The following NRIP1 variants were observed in gnomAD, a reference collection of about 807,000 sequenced individuals.
NRIP1 encodes the protein nuclear receptor interacting protein 1, also known as nuclear receptor-interacting protein 1.
In NRIP1, 28 loss-of-function variants were observed where a neutral mutation model predicts 75.0. The ratio of observed to expected loss-of-function variants is 0.37; its 90% CI spans 0.28 to 0.51. NRIP1 has a LOEUF of 0.51. Ranked by LOEUF, NRIP1 falls within the 20% of genes least tolerant of loss-of-function variation. The probability of loss-of-function intolerance (pLI) is 0.92; values close to 1 mark genes in which losing one functional copy is unlikely to be tolerated. For missense variants in NRIP1, 1,435 were observed against 1,343.7 expected (o/e 1.07, Z -1.06); for synonymous variants, 526 against 487.6 (o/e 1.08, Z -1.04).
intron 3 of NRIP1, among the ~76,000 whole-genome samples, chr21:14,978,022 C>CT (rs1166724558): frequency 3.9e-5 from 6 of 152,188 alleles, no homozygotes; most frequent in African/African-American, 1.4e-4. Flanking sequence ...CCACTGCAAC[C>CT]TGAAGGACTT....
chr21:14,966,874 G>A lies in NRIP1; in HGVS notation c.1319C>T (p.Pro440Leu), dbSNP rs1451945019. Residue 440 changes from proline (P) to leucine (L), a missense_variant, in exon 4 of 4, where the codon CCC (proline) becomes CTC (leucine). Pro to Leu is a moderately conservative substitution (Grantham distance 98). Transcript: ENST00000318948. Reference protein sequence around the residue: ...GDESSYSNCVPIDLSCKHRTE... With the variant: ...GDESSYSNCVLIDLSCKHRTE... ...TCGGTGTTTGCAAGACAAGTCTATGGGAACACAGTTGGAATAAGAACTTTC... is the reference window on the plus strand; with the variant it reads ...TCGGTGTTTGCAAGACAAGTCTATGAGAACACAGTTGGAATAAGAACTTTC... The A allele has an allele frequency of 1.2e-6, 2 of 1,613,984 alleles. No homozygotes were observed. The highest frequency in any genetic ancestry group is 1.1e-5 in the South Asian group (1 of 91,072).
intron 2 of NRIP1, among the ~76,000 whole-genome samples, chr21:15,016,947 G>A (rs1303383079): frequency 1.4e-5 from 2 of 145,950 alleles, no homozygotes; most frequent in Non-Finnish European, 3.0e-5. Context: ...AGAAAGAAAA[G>A]AAGAAAGACA....
chr21:14,994,468 T>A (rs562149364), intron 3 of NRIP1, among the ~76,000 whole-genome samples: 66 of 152,320 alleles, frequency 4.3e-4, no homozygotes, highest in Non-Finnish European at 8.1e-4. Flanking sequence ...TTTTTATTAT[T>A]TTCATTTGAC....
intron 2 of NRIP1, among the ~76,000 whole-genome samples, chr21:15,027,817 G>T (rs2088557055): frequency 6.6e-6 from 1 of 152,120 alleles, no homozygotes; most frequent in Non-Finnish European, 1.5e-5. Context: ...TGGTCACACA[G>T]GCCAGCAATC....
At chr21:14,989,372 A>G (rs1346109854) in intron 3 of NRIP1, among the ~76,000 whole-genome samples, 3 of 152,204 alleles carry the variant, frequency 2.0e-5, no homozygotes, top group Non-Finnish European at 4.4e-5. Context: ...TCTTATTCCG[A>G]GGGGCCTGCA....
intron 1 of NRIP1, among the ~76,000 whole-genome samples, chr21:15,064,474 G>T (rs945635565): frequency 6.6e-6 from 1 of 152,172 alleles, no homozygotes; most frequent in East Asian, 1.9e-4. Context: ...CGCGACGGCC[G>T]CCCCCTTGCC....
At chr21:15,019,161 A>C (rs1373905273) in intron 2 of NRIP1, among the ~76,000 whole-genome samples, 1 of 148,284 alleles carries the variant, frequency 6.7e-6, no homozygotes, top group Non-Finnish European at 1.5e-5. Flanking sequence ...TATAATTACT[A>C]TATTAATTGT....
intron 1 of NRIP1, among the ~76,000 whole-genome samples, chr21:15,047,666 G>A (rs1247631884): frequency 2.6e-5 from 4 of 152,178 alleles, no homozygotes; most frequent in Admixed American, 2.6e-4. Context: ...TCCCTCCCAG[G>A]ACACATGGGG....
At chr21:14,994,908 T>C (rs528418822) in intron 3 of NRIP1, among the ~76,000 whole-genome samples, 4 of 152,308 alleles carry the variant, frequency 2.6e-5, no homozygotes, top group Middle Eastern at 3.4e-3. Context: ...GCAAACAAAT[T>C]TTATTTTTCC....
intron 3 of NRIP1, among the ~76,000 whole-genome samples, 195 bp from the exon 4 acceptor site, chr21:14,968,721 A>G (rs185855171): frequency 2.1e-3 from 327 of 152,274 alleles, no homozygotes; most frequent in Non-Finnish European, 4.1e-3. Context: ...TCTACTGGAA[A>G]TCCTGTGGGT....
intron 3 of NRIP1, among the ~76,000 whole-genome samples, chr21:14,995,766 C>CGTTT (rs145503228): frequency 6.7e-6 from 1 of 149,368 alleles, no homozygotes; most frequent in Non-Finnish European, 1.5e-5. Context: ...GCTGTGTGTG[C>CGTTT]GTGTGTGTGT....
chr21:14,995,759 G>A (rs1468886629), intron 3 of NRIP1, among the ~76,000 whole-genome samples: 1 of 146,334 alleles, frequency 6.8e-6, no homozygotes, highest in Non-Finnish European at 1.5e-5. Context: ...TGGTTTAGCT[G>A]TGTGTGCGTG....
At chr21:15,048,276 A>G (rs1354279202) in intron 1 of NRIP1, among the ~76,000 whole-genome samples, 1 of 152,246 alleles carries the variant, frequency 6.6e-6, no homozygotes, top group African/African-American at 2.4e-5. Context: ...GTACTTGCTC[A>G]ATGCAGGGCT....
At chr21:15,001,537 C>G (rs767505908) in intron 3 of NRIP1, among the ~76,000 whole-genome samples, 6 of 152,064 alleles carry the variant, frequency 3.9e-5, no homozygotes, top group Non-Finnish European at 7.4e-5. Context: ...CACTACAAGT[C>G]TCTATTTGAG....
intron 2 of NRIP1, among the ~76,000 whole-genome samples, chr21:15,023,194 T>TAA (rs887868523): frequency 2.0e-4 from 30 of 152,136 alleles, no homozygotes; most frequent in Admixed American, 1.9e-3. Context: ...CTGAACACTT[T>TAA]AAACAGGTGA....
In NRIP1 at chr21:14,965,508, A is replaced by C; in HGVS notation, c.2685T>G (p.Leu895=). 1 of 1,613,988 alleles carries C rather than the reference A, an allele frequency of 6.2e-7. No homozygotes were observed. Among genetic ancestry groups the C allele is most frequent in the Non-Finnish European group, 8.5e-7 (1 of 1,179,936 alleles). The change falls in exon 4 of 4, where the codon CTT becomes CTG. Residue 895 remains leucine (L), a synonymous_variant. Coordinates refer to ENST00000318948, the MANE Select transcript of NRIP1 (RefSeq NM_003489.4). ...SAPEVLYGSL[L]NQEELKFSRN... is the part of the protein sequence containing the mutation. ...TGCTAAATTTCAGCTCTTCCTGGTTAAGCAAGGACCCATACAGTACTTCTG... is the reference window on the plus strand; with the variant it reads ...TGCTAAATTTCAGCTCTTCCTGGTTCAGCAAGGACCCATACAGTACTTCTG...
At chr21:15,033,650 T>A (rs1453737653) in intron 2 of NRIP1, among the ~76,000 whole-genome samples, 2 of 152,240 alleles carry the variant, frequency 1.3e-5, no homozygotes, top group Non-Finnish European at 2.9e-5. Flanking sequence ...CTTTATTAAT[T>A]AGACACTAGT....
chr21:14,968,251 G>T lies in NRIP1; in HGVS notation c.-59C>A. The T allele has an allele frequency of 8.4e-7, 1 of 1,192,694 alleles. No homozygotes were observed. Among genetic ancestry groups the T allele is most frequent in the Non-Finnish European group, 1.2e-6 (1 of 836,140 alleles). The allele number at this position is 1,192,694 out of a possible 1,614,324, so 73.9% of individuals were successfully genotyped here. A position where few individuals can be genotyped will look rare whatever the true frequency, so the allele number is the denominator to read the frequency against. ...TATTCACTTTAAAGAATGGTTTTCTGTGGTGAGTGCGATGTAACTTTAATA... is the reference window on the plus strand; with the variant it reads ...TATTCACTTTAAAGAATGGTTTTCTTTGGTGAGTGCGATGTAACTTTAATA... On this transcript the variant is annotated 5_prime_UTR_variant, in exon 4 of 4. Coordinates refer to ENST00000318948, the MANE Select transcript of NRIP1 (RefSeq NM_003489.4).
intron 1 of NRIP1, among the ~76,000 whole-genome samples, chr21:15,063,025 T>C (rs1159986541): frequency 1.3e-5 from 2 of 152,204 alleles, no homozygotes; most frequent in Non-Finnish European, 2.9e-5. Flanking sequence ...GTCCTTTTTT[T>C]TTTCTGTTAT....
Sources: gnomAD v4.1 joint callset for allele counts (sites outside exome capture counted in the v4.1 genomes callset) on GRCh38, gnomAD v4.1.1 for gene constraint, MANE v1.5 for transcripts, NCBI Gene and HGNC (gene_info 2026-07-23, HGNC 2026-07-21) for gene names.